The following AOC1 variants were observed in gnomAD, a reference collection of about 807,000 sequenced individuals.
AOC1 encodes diamine oxidase [copper-containing].
A neutral mutation model predicts 57.1 loss-of-function variants in AOC1; 58 were observed. The observed-to-expected ratio is 1.02, with a 90% CI of 0.82 to 1.26. The LOEUF (loss-of-function observed/expected upper bound fraction) is 1.26, where lower values mean the gene tolerates loss of function less well. Among genes scored for constraint, AOC1 ranks in the 50% most tolerant of loss-of-function variants. The probability of loss-of-function intolerance (pLI) is 0.00; values close to 1 mark genes in which losing one functional copy is unlikely to be tolerated. For missense variants in AOC1, 917 were observed against 1,005.3 expected (o/e 0.91, Z 1.19); for synonymous variants, 401 against 423.4 (o/e 0.95, Z 0.65).
At chr7:150,855,621 C>T (rs1025332671) in intron 1 of AOC1, among the ~76,000 whole-genome samples, 1 of 152,136 alleles carries the variant, frequency 6.6e-6, no homozygotes, top group African/African-American at 2.4e-5. Flanking sequence ...ACAAAGAAGG[C>T]TAGGCAGGAC....
At chr7:150,860,760 G>A in intron 4 of AOC1, 127 bp downstream of exon 4, 1 of 1,358,882 alleles carries the variant, frequency 7.4e-7, no homozygotes, top group African/African-American at 1.4e-5. Flanking sequence ...AGTCGCAGGA[G>A]CTGTGCCTTG....
Position 150,858,894 on chromosome 7 carries a change from C to A in AOC1, c.1702C>A (p.Arg568Ser). ...CTCCTGGGAGCGCCAGGCGGCCTTC[C>A]GCTTCAAAAGGAAGCTGCCTAAGTA... is the stretch of plus-strand genomic sequence containing the variant. ...QYSWERQAAF[R>S]FKRKLPKYLL... Residue 568 changes from arginine (R) to serine (S), a missense_variant, in exon 3 of 5, where the codon CGC becomes AGC. Transcript: ENST00000360937. 1.2e-6 allele frequency: 2 copies of A among 1,613,614 alleles called. No homozygotes were observed. Among genetic ancestry groups the A allele is most frequent in the Non-Finnish European group, 1.7e-6 (2 of 1,179,726 alleles).
At chr7:150,855,813 CT>C (rs1276304363) in intron 1 of AOC1, among the ~76,000 whole-genome samples, 2 of 152,172 alleles carry the variant, frequency 1.3e-5, no homozygotes, top group Non-Finnish European at 2.9e-5. Flanking sequence ...TTTATATTTA[CT>C]GTTTAATTGA....
At position 150,860,618 on chromosome 7, in the gene AOC1, G is replaced by A. The variant is rs1799940989; in HGVS notation, c.1974G>A (p.Glu658=). 1 of 1,613,812 alleles carries A rather than the reference G, an allele frequency of 6.2e-7. No individual in the cohort carries two copies. Among genetic ancestry groups the A allele is most frequent in the Admixed American group, 1.7e-5 (1 of 59,988 alleles). The change falls in exon 4 of 5, where the codon GAG becomes GAA. Residue 658 remains glutamate, a synonymous_variant. Coordinates refer to ENST00000360937, the MANE Select transcript of AOC1 (RefSeq NM_001091.4). The part of the protein sequence containing the change: ...VVFEQFLHNN[E]NIENEDLVAW... Reference sequence around the variant, plus strand: ...TTGAGCAGTTTCTTCACAACAACGAGAACATTGAAAATGAGGTACTGCCCT... The same window carrying A: ...TTGAGCAGTTTCTTCACAACAACGAAAACATTGAAAATGAGGTACTGCCCT...
chr7:150,853,678 TA>T (rs1563086975), intron 1 of AOC1, among the ~76,000 whole-genome samples: 3,691 of 91,978 alleles, frequency 0.04, 176 homozygotes, highest in African/African-American at 0.11. Flanking sequence ...TATATATATA[TA>T]TATATATATA....
chr7:150,861,372 G>C lies in AOC1; in HGVS notation c.*163G>C. ...AACAGACGTGCACACACACAGACGT[G>C]CACACACACACAGACATGCACACAC... On this transcript the variant is annotated 3_prime_UTR_variant, in exon 5 of 5. Transcript: ENST00000360937. This position sits in a 1 kb window ranked among gnomAD's most constrained non-coding sequence, Gnocchi z 4.5. 1 of 743,218 alleles carries C rather than the reference G, an allele frequency of 1.3e-6. No homozygotes were observed. The highest frequency in any genetic ancestry group is 3.1e-4 in the Middle Eastern group (1 of 3,234). 46.0% of individuals were successfully genotyped at this position (743,218 alleles called of 1,614,324 possible). A position where few individuals can be genotyped will look rare whatever the true frequency, so the allele number is the denominator to read the frequency against.
intron 1 of AOC1, among the ~76,000 whole-genome samples, chr7:150,854,635 C>T (rs892289030): frequency 5.9e-5 from 9 of 152,248 alleles, no homozygotes; most frequent in African/African-American, 1.2e-4. Context: ...AAAAAAGCCA[C>T]GGGAAAACAG....
chr7:150,857,156 G>A lies in AOC1; in HGVS notation c.686G>A (p.Gly229Glu), dbSNP rs765868829. Reference protein sequence around the residue: ...LLVDHGSTDAGHWAVEQVWYN... With the variant: ...LLVDHGSTDAEHWAVEQVWYN... ...GTGGATCATGGGAGCACAGATGCTGGGCACTGGGCCGTGGAGCAGGTGTGG... is the reference window on the plus strand; with the variant it reads ...GTGGATCATGGGAGCACAGATGCTGAGCACTGGGCCGTGGAGCAGGTGTGG... The change falls in exon 2 of 5, where the codon GGG becomes GAG. Residue 229 changes from glycine (G) to glutamate (E), a missense_variant. Physicochemically the swap from Gly to Glu is moderately conservative, Grantham distance 98 (BLOSUM62 -2). Coordinates refer to ENST00000360937, the MANE Select transcript of AOC1 (RefSeq NM_001091.4). The surrounding 1 kb of genome is among the most constrained non-coding windows in gnomAD (Gnocchi z 6.6). 3.8e-5 allele frequency: 61 copies of A among 1,613,804 alleles called. 1 individual carries two copies. The highest frequency in any genetic ancestry group is 4.9e-5 in the Non-Finnish European group (58 of 1,179,966).
rs1563097210 is a variant in AOC1, at chr7:150,858,862, CG to C, written c.1671del (p.Gln558SerfsTer67). 6.2e-6 allele frequency: 10 copies of C among 1,613,966 alleles called. No individual in the cohort carries two copies. Among genetic ancestry groups the C allele is most frequent in the East Asian group, 4.5e-5 (2 of 44,878 alleles). ...HRVVQPTLEQ[T>X]QYSWERQAAF... Reference sequence around the variant, plus strand: ...GTGGTCCAGCCAACTCTGGAGCAGACGCAGTACTCCTGGGAGCGCCAGGCGG... The same window carrying C: ...GTGGTCCAGCCAACTCTGGAGCAGACCAGTACTCCTGGGAGCGCCAGGCGG... On this transcript the variant is annotated frameshift_variant, in exon 3 of 5. Transcript: ENST00000360937. LOFTEE classifies it high-confidence loss of function.
chr7:150,859,194 C>A (rs910532572), intron 3 of AOC1, 146 bp downstream of exon 3: 3 of 988,074 alleles, frequency 3.0e-6, no homozygotes, highest in East Asian at 2.9e-5. Flanking sequence ...GTACAATTGA[C>A]CCTGAACAAT....
chr7:150,860,181 A>C (rs1341225594), intron 3 of AOC1, among the ~76,000 whole-genome samples: 1 of 148,442 alleles, frequency 6.7e-6, no homozygotes, highest in African/African-American at 2.6e-5. Flanking sequence ...TCCATCAAAA[A>C]AAAAGAAAAA....
Position 150,861,026 on chromosome 7 carries a change from C to T in AOC1, c.2073C>T (p.Ser691=), listed in dbSNP as rs372013575. The T allele has an allele frequency of 1.7e-5, 27 of 1,613,940 alleles. No individual in the cohort carries two copies. Among genetic ancestry groups the T allele is most frequent in the Admixed American group, 5.0e-5 (3 of 59,990 alleles). ...CCAACACAGCCACACCTGGGAACTC[C>T]GTGGGCTTCCTGCTCCGGCCATTCA... The part of the protein sequence containing the change: ...DIPNTATPGN[S]VGFLLRPFNF... The change falls in exon 5 of 5, where the codon TCC becomes TCT. Residue 691 remains serine, a synonymous_variant. Coordinates refer to ENST00000360937, the MANE Select transcript of AOC1 (RefSeq NM_001091.4). This position sits in a 1 kb window ranked among gnomAD's most constrained non-coding sequence, Gnocchi z 4.5.
chr7:150,854,782 C>T (rs993314049), intron 1 of AOC1, among the ~76,000 whole-genome samples: 1 of 152,218 alleles, frequency 6.6e-6, no homozygotes, highest in Non-Finnish European at 1.5e-5. Context: ...GGTCACTCCA[C>T]GATACACCCA....
Position 150,860,507 on chromosome 7 carries a change from C to G in AOC1, c.1863C>G (p.Pro621=), listed in dbSNP as rs766217836. ...EEQAITWARY[P]LAVTKYRESE... ...CTTCGCCTGTGCCTGGCAGGTACCC[C>G]CTGGCAGTGACCAAGTACCGGGAGT... Residue 621 remains proline (P), a synonymous_variant, in exon 4 of 5, where the codon CCC becomes CCG. Coordinates refer to ENST00000360937, the MANE Select transcript of AOC1 (RefSeq NM_001091.4). 4 of 1,613,948 alleles carry G rather than the reference C, an allele frequency of 2.5e-6. No individual in the cohort carries two copies. In the East Asian group the frequency reaches 8.9e-5, roughly 36 times the overall value.
At position 150,857,667 on chromosome 7, in the gene AOC1, C is replaced by T; in HGVS notation, c.1197C>T (p.Asp399=). The T allele has an allele frequency of 6.2e-7, 1 of 1,614,158 alleles. No homozygotes were observed. Among genetic ancestry groups the T allele is most frequent in the African/African-American group, 1.3e-5 (1 of 75,066 alleles). ...GCCCGGAGACCGCCACCTTCCTGGA[C>T]ACTTTCCACTACTATGATGCCGATG... The part of the protein sequence containing the change: ...IDCPETATFL[D]TFHYYDADDP... Residue 399 remains aspartate, a synonymous_variant, in exon 2 of 5, where the codon GAC becomes GAT. Coordinates refer to ENST00000360937, the MANE Select transcript of AOC1 (RefSeq NM_001091.4). This position sits in a 1 kb window ranked among gnomAD's most constrained non-coding sequence, Gnocchi z 6.6.
intron 4 of AOC1, 64 bp from the exon 5 acceptor site, chr7:150,860,879 C>T (rs1245933822): frequency 2.6e-6 from 4 of 1,546,526 alleles, no homozygotes; most frequent in South Asian, 1.2e-5. Context: ...TGACCAAAGG[C>T]TAGAGTGGCC....
At chr7:150,855,041 T>C (rs1048583920) in intron 1 of AOC1, among the ~76,000 whole-genome samples, 7 of 142,500 alleles carry the variant, frequency 4.9e-5, no homozygotes, top group Admixed American at 2.7e-4. Flanking sequence ...TATGAAAATA[T>C]GAAAACAAGG....
intron 3 of AOC1, among the ~76,000 whole-genome samples, chr7:150,859,547 C>CA (rs1198403913): frequency 2.6e-5 from 4 of 151,658 alleles, no homozygotes; most frequent in Admixed American, 6.6e-5. Flanking sequence ...ACTAAAAACA[C>CA]AAAAAATTAG....
rs1336186739 is a variant in AOC1 at position 150,857,495 on chromosome 7, G to A, written c.1025G>A (p.Gly342Asp). Residue 342 changes from glycine (G) to aspartate (D), a missense_variant, in exon 2 of 5, where the codon GGC becomes GAC. Gly to Asp is a moderately conservative substitution (Grantham distance 94, BLOSUM62 -1). Coordinates refer to ENST00000360937, the MANE Select transcript of AOC1 (RefSeq NM_001091.4). This position sits in a 1 kb window ranked among gnomAD's most constrained non-coding sequence, Gnocchi z 6.6. ...CTGCAGGTCCTGAACGTGCACTTCG[G>A]CGGAGAGCGCATTGCCTATGAGGTC... is the stretch of plus-strand genomic sequence containing the variant. ...SGLQVLNVHF[G>D]GERIAYEVSV... The A allele has an allele frequency of 4.3e-6, 7 of 1,613,492 alleles. No individual in the cohort carries two copies. Among genetic ancestry groups the A allele is most frequent in the Non-Finnish European group, 5.9e-6 (7 of 1,179,900 alleles).
Sources: gnomAD v4.1 joint callset for allele counts (sites outside exome capture counted in the v4.1 genomes callset) on GRCh38, gnomAD v4.1.1 for gene constraint, Gnocchi (gnomAD v3.1) non-coding constraint, MANE v1.5 for transcripts, NCBI Gene and HGNC (gene_info 2026-07-23, HGNC 2026-07-21) for gene names.